Variants in C10orf105 observed in about 807,000 individuals in gnomAD.
C10orf105 encodes the protein uncharacterized protein C10orf105.
C10orf105 carries 2 observed loss-of-function variants against 0.6 expected under a neutral mutation model. The ratio of observed to expected loss-of-function variants is 3.18; its 90% CI spans 1.30 to 10.01. The LOEUF (loss-of-function observed/expected upper bound fraction) is 10.01, where lower values mean the gene tolerates loss of function less well. Among genes scored for constraint, C10orf105 ranks in the 30% most tolerant of loss-of-function variants. The pLI is 0.04. For missense variants in C10orf105, 209 were observed against 191.4 expected (o/e 1.09, Z -0.54); for synonymous variants, 95 against 82.4 (o/e 1.15, Z -0.83).
chr10:71,713,416 G>A lies in C10orf105; in HGVS notation c.*2520C>T. 1.6e-6 allele frequency: 1 copy of A among 628,532 alleles called. No individual in the cohort carries two copies. The highest frequency in any genetic ancestry group is 1.9e-5 in the South Asian group (1 of 53,304). 38.9% of individuals were successfully genotyped at this position (628,532 alleles called of 1,614,324 possible). On this transcript the variant is annotated 3_prime_UTR_variant, in exon 2 of 2. Coordinates refer to ENST00000441508, the MANE Select transcript of C10orf105 (RefSeq NM_001164375.3). ...GAATGAGTCTCTTTACCAACTATGG[G>A]GTTTCCGACTCGGAGGCTGAGCCAA...
At chr10:71,730,487 G>T (rs1288033055) in intron 1 of C10orf105, 26 of 1,613,732 alleles carry the variant, frequency 1.6e-5, no homozygotes, top group Non-Finnish European at 1.9e-5. Flanking sequence ...GTACGTGGAG[G>T]ACATCAACGA....
upstream of C10orf105, among the ~76,000 whole-genome samples, chr10:71,723,210 C>G (rs1047326164): frequency 6.6e-6 from 1 of 152,194 alleles, no homozygotes; most frequent in African/African-American, 2.4e-5. Flanking sequence ...ATAGGAGGGT[C>G]TAGCCTCTTC....
chr10:71,723,974 G>C, upstream of C10orf105: 1 of 1,517,576 alleles, frequency 6.6e-7, no homozygotes, highest in Non-Finnish European at 9.0e-7. Context: ...GGAAGGAAAG[G>C]AACTCTAAAA....
intron 1 of C10orf105, chr10:71,737,606 C>A: frequency 2.2e-6 from 1 of 449,908 alleles, no homozygotes; most frequent in Non-Finnish European, 4.5e-6. Context: ...ACCCCACATG[C>A]AGGGAAGCAG....
upstream of C10orf105, among the ~76,000 whole-genome samples, chr10:71,722,266 C>A (rs544461896): frequency 1.2e-3 from 177 of 152,254 alleles, no homozygotes; most frequent in African/African-American, 4.0e-3. Flanking sequence ...TATAGCAAGA[C>A]CCTGTCTCTA....
chr10:71,734,502 C>G (rs1839499395), intron 1 of C10orf105: 1 of 974,782 alleles, frequency 1.0e-6, no homozygotes, highest in African/African-American at 1.8e-5. Flanking sequence ...CACACCTTCC[C>G]AGCAGGTTGG....
At position 71,716,281 on chromosome 10, in the gene C10orf105, A is replaced by G; in HGVS notation, c.57T>C (p.Phe19=). The change falls in exon 2 of 2, where the codon TTT becomes TTC. Residue 19 remains phenylalanine (F), a synonymous_variant. Transcript: ENST00000441508. The part of the protein sequence containing the change: ...ASSPAISPLA[F]LSAPVTPGTL... Reference sequence around the variant, plus strand: ...TCCCGGGAGTGACGGGAGCTGAGAGAAAGGCGAGGGGGCTGATGGCTGGGG... The same window carrying G: ...TCCCGGGAGTGACGGGAGCTGAGAGGAAGGCGAGGGGGCTGATGGCTGGGG... 6.5e-7 allele frequency: 1 copy of G among 1,531,492 alleles called. No homozygotes were observed. The highest frequency in any genetic ancestry group is 8.8e-7 in the Non-Finnish European group (1 of 1,135,002). 94.9% of individuals were successfully genotyped at this position (1,531,492 alleles called of 1,614,324 possible).
chr10:71,716,400 G>C (rs1866240988), intron 1 of C10orf105, 58 bp from the exon 2 acceptor site: 1 of 1,382,732 alleles, frequency 7.2e-7, no homozygotes, highest in African/African-American at 1.5e-5. Flanking sequence ...AGGGCAGCGG[G>C]TATAGGGAAG....
intron 1 of C10orf105, chr10:71,725,590 C>CCATT: frequency 6.6e-7 from 1 of 1,526,320 alleles, no homozygotes; most frequent in African/African-American, 1.4e-5. Flanking sequence ...ACAGAGAAGG[C>CCATT]CATTAGTTGG....
At chr10:71,735,804 G>A (rs1449484648) in intron 1 of C10orf105, among the ~76,000 whole-genome samples, 3 of 152,228 alleles carry the variant, frequency 2.0e-5, no homozygotes. Flanking sequence ...CCAGCCTGGG[G>A]GTGAGTGAGG....
At chr10:71,720,223 C>T (rs563102752), upstream of C10orf105, among the ~76,000 whole-genome samples, 1 of 152,308 alleles carries the variant, frequency 6.6e-6, no homozygotes, top group South Asian at 2.1e-4. Flanking sequence ...GGCCCCATTC[C>T]TTCCAGGCTT....
intron 1 of C10orf105, 21 bp downstream of exon 1, chr10:71,719,606 T>G (rs1029168817): frequency 6.5e-6 from 1 of 153,080 alleles, no homozygotes; most frequent in African/African-American, 2.4e-5. Flanking sequence ...AGCCTTCTCC[T>G]GCAGTCCCCC....
chr10:71,721,874 C>T (rs1866573631), upstream of C10orf105, among the ~76,000 whole-genome samples: 1 of 152,162 alleles, frequency 6.6e-6, no homozygotes, highest in African/African-American at 2.4e-5. Context: ...GTCCTAGTTC[C>T]TTCCTTAGCC....
intron 1 of C10orf105, among the ~76,000 whole-genome samples, chr10:71,730,904 G>A (rs940328388): frequency 2.6e-5 from 4 of 152,234 alleles, no homozygotes; most frequent in Non-Finnish European, 5.9e-5. Context: ...CTTTAGAGAG[G>A]GGCTGGGCAG....
intron 1 of C10orf105, among the ~76,000 whole-genome samples, chr10:71,737,205 A>G (rs1178005426): frequency 1.3e-5 from 2 of 152,206 alleles, no homozygotes; most frequent in African/African-American, 4.8e-5. Context: ...AGATGGGTAG[A>G]GTCTTGGCAA....
At chr10:71,730,239 G>A (rs796696575) in intron 1 of C10orf105, among the ~76,000 whole-genome samples, 5 of 152,220 alleles carry the variant, frequency 3.3e-5, no homozygotes, top group African/African-American at 1.2e-4. Flanking sequence ...AAAGCCAAGA[G>A]CAAGATGAAG....
chr10:71,730,755 G>T (rs1409302721), intron 1 of C10orf105, among the ~76,000 whole-genome samples: 1 of 152,210 alleles, frequency 6.6e-6, no homozygotes, highest in Non-Finnish European at 1.5e-5. Context: ...GGATGGTCTT[G>T]ATCACTTCCC....
intron 1 of C10orf105, among the ~76,000 whole-genome samples, chr10:71,729,450 A>C (rs1357295572): frequency 6.6e-6 from 1 of 152,172 alleles, no homozygotes; most frequent in Non-Finnish European, 1.5e-5. Context: ...TGCCCCAAAC[A>C]GGGCCAGGGA....
intron 1 of C10orf105, among the ~76,000 whole-genome samples, chr10:71,719,248 A>T (rs1301195222): frequency 6.6e-6 from 1 of 152,132 alleles, no homozygotes; most frequent in Non-Finnish European, 1.5e-5. Flanking sequence ...CCAACCAGCA[A>T]AGGCCAGCTA....
Sources: allele counts gnomAD v4.1 joint callset (sites outside exome capture counted in the v4.1 genomes callset), GRCh38; gene constraint gnomAD v4.1.1; transcripts MANE v1.5; gene names NCBI Gene and HGNC (gene_info 2026-07-23, HGNC 2026-07-21).